The following GRIN2A variants were observed in gnomAD, a reference collection of about 807,000 sequenced individuals.
GRIN2A encodes glutamate ionotropic receptor NMDA type subunit 2A, also known as glutamate receptor ionotropic, NMDA 2A.
GRIN2A carries 22 observed loss-of-function variants against 113.4 expected under a neutral mutation model. That is an observed-to-expected ratio of 0.19 (90% CI 0.14 to 0.28). The LOEUF is 0.28. Ranked by LOEUF, GRIN2A falls within the 10% of genes least tolerant of loss-of-function variation. The pLI is 1.00. For synonymous variants in GRIN2A, 827 were observed against 738.4 expected, an observed-to-expected ratio of 1.12 and a Z score of -1.94; for missense variants, 1,502 against 1,887.0, an observed-to-expected ratio of 0.80 and a Z score of 3.78.
At position 9,753,493 on chromosome 16, in the gene GRIN2A, C is replaced by G. The variant is rs913266626; in HGVS notation, c.*9656G>C. 3 of 203,798 alleles carry G rather than the reference C, an allele frequency of 1.5e-5. No homozygotes were observed. In the South Asian group the frequency reaches 5.7e-4, roughly 39 times the overall value. 12.6% of individuals were successfully genotyped at this position (203,798 alleles called of 1,614,324 possible). A position where few individuals can be genotyped will look rare whatever the true frequency, so the allele number is the denominator to read the frequency against. Reference sequence around the variant, plus strand: ...TACATTTTTACACCATATGACCGGGCACTTCTGTTGCCTCAGGAGTTATAT... The same window carrying G: ...TACATTTTTACACCATATGACCGGGGACTTCTGTTGCCTCAGGAGTTATAT... On this transcript the variant is annotated 3_prime_UTR_variant, in exon 13 of 13. Coordinates refer to ENST00000330684, the MANE Select transcript of GRIN2A (RefSeq NM_001134407.3).
At chr16:9,905,005 C>A (rs2043999955) in intron 3 of GRIN2A, among the ~76,000 whole-genome samples, 1 of 152,122 alleles carries the variant, frequency 6.6e-6, no homozygotes. Flanking sequence ...AAATTATGGA[C>A]CACAAATTAA....
chr16:9,885,227 G>A (rs142750661), intron 4 of GRIN2A, among the ~76,000 whole-genome samples: 155 of 152,212 alleles, frequency 1.0e-3, no homozygotes, highest in African/African-American at 3.6e-3. Context: ...ACGTGGCATT[G>A]GTTGTACTAG....
chr16:10,179,925 C>T lies in GRIN2A; in HGVS notation c.414+73G>A, dbSNP rs776071016. The T allele has an allele frequency of 7.8e-6, 10 of 1,289,246 alleles. No individual in the cohort carries two copies. In the East Asian group the frequency reaches 9.4e-5, roughly 12 times the overall value. 79.9% of individuals were successfully genotyped at this position (1,289,246 alleles called of 1,614,324 possible). A position where few individuals can be genotyped will look rare whatever the true frequency, so the allele number is the denominator to read the frequency against. The stretch of plus-strand genomic sequence containing the variant: ...CATCAAGACAGATTCTAGGGGCGTC[C>T]GAAGACCTGCAGCAGCTGCCATGCA... On this transcript the variant is annotated intron_variant, in intron 2 of 12. Transcript: ENST00000330684.
intron 11 of GRIN2A, among the ~76,000 whole-genome samples, chr16:9,789,463 C>T (rs916739269): frequency 6.6e-5 from 10 of 152,132 alleles, no homozygotes; most frequent in African/African-American, 2.4e-4. Flanking sequence ...ACTTATGTTG[C>T]TGACTATTAT....
At chr16:9,835,660 G>C (rs1253920770) in intron 7 of GRIN2A, among the ~76,000 whole-genome samples, 1 of 152,070 alleles carries the variant, frequency 6.6e-6, no homozygotes, top group Non-Finnish European at 1.5e-5. Context: ...AATACTTCTT[G>C]AATAGTAAAC....
Position 9,938,365 on chromosome 16 carries a change from G to T in GRIN2A, c.601C>A (p.Gln201Lys). The change falls in exon 3 of 13, where the codon CAG becomes AAG. Residue 201 changes from glutamine to lysine, a missense_variant. By Grantham distance (53) the Gln-to-Lys change is moderately conservative. Transcript: ENST00000330684. ...VDNSFVGWDMQNVITLDTSFE... is the reference protein window; with the variant it reads ...VDNSFVGWDMKNVITLDTSFE... ...GAAGTGTCCAGTGTGATCACATTCT[G>T]CATGTCCCAGCCCACAAAGCTGTTG... 6.2e-7 allele frequency: 1 copy of T among 1,614,104 alleles called. No individual in the cohort carries two copies. Among genetic ancestry groups the T allele is most frequent in the Non-Finnish European group, 8.5e-7 (1 of 1,179,978 alleles).
At chr16:9,841,206 G>C in intron 5 of GRIN2A, 102 bp from the exon 6 acceptor site, 1 of 1,016,568 alleles carries the variant, frequency 9.8e-7, no homozygotes, top group Non-Finnish European at 1.5e-6. Flanking sequence ...GTAAACTGAA[G>C]TTTAAAAGGG....
At chr16:9,880,672 A>G (rs1434869670) in intron 4 of GRIN2A, among the ~76,000 whole-genome samples, 1 of 152,190 alleles carries the variant, frequency 6.6e-6, no homozygotes, top group East Asian at 1.9e-4. Flanking sequence ...TTCCAATCAC[A>G]TTGAACTCTT....
At chr16:10,156,847 T>A (rs999153900) in intron 2 of GRIN2A, among the ~76,000 whole-genome samples, 3 of 152,208 alleles carry the variant, frequency 2.0e-5, no homozygotes, top group Non-Finnish European at 2.9e-5. Flanking sequence ...ATTTCAACTG[T>A]GCTTTCCAAA....
intron 2 of GRIN2A, among the ~76,000 whole-genome samples, chr16:10,121,008 C>A (rs1056794270): frequency 6.6e-6 from 1 of 152,120 alleles, no homozygotes; most frequent in Non-Finnish European, 1.5e-5. Flanking sequence ...ATTCAAAAGC[C>A]CACATTTAAG....
At chr16:9,836,774 G>A (rs1469216107) in intron 7 of GRIN2A, among the ~76,000 whole-genome samples, 1 of 152,216 alleles carries the variant, frequency 6.6e-6, no homozygotes, top group Non-Finnish European at 1.5e-5. Flanking sequence ...TGTCTAAGGA[G>A]TGACCCAGAA....
intron 2 of GRIN2A, among the ~76,000 whole-genome samples, chr16:10,011,960 C>T (rs1028384774): frequency 2.0e-5 from 3 of 152,172 alleles, no homozygotes; most frequent in Admixed American, 2.0e-4. Flanking sequence ...GAGACCATAG[C>T]ATAGATAAGA....
At chr16:10,146,297 T>C (rs1175849383) in intron 2 of GRIN2A, among the ~76,000 whole-genome samples, 5 of 152,184 alleles carry the variant, frequency 3.3e-5, no homozygotes, top group Non-Finnish European at 7.3e-5. Flanking sequence ...TTTATATTTT[T>C]AGCAGACACA....
Position 9,840,808 on chromosome 16 carries a change from C to T in GRIN2A, c.1498-8G>A, listed in dbSNP as rs1242162646. 9.0e-6 allele frequency: 10 copies of T among 1,105,440 alleles called. No homozygotes were observed. The highest frequency in any genetic ancestry group is 1.3e-5 in the Non-Finnish European group (10 of 787,836). 68.5% of individuals were successfully genotyped at this position (1,105,440 alleles called of 1,614,324 possible). On this transcript the variant is annotated splice_region_variant and splice_polypyrimidine_tract_variant and intron_variant, in intron 6 of 12. Transcript: ENST00000330684. The stretch of plus-strand genomic sequence containing the variant: ...TGCCCGTTGATAGACCACCTGGATG[C>T]AAGGCAAAAAAAAAAAAAAAAAAAA...
intron 11 of GRIN2A, among the ~76,000 whole-genome samples, chr16:9,795,391 A>T (rs544167784): frequency 7.2e-5 from 11 of 152,222 alleles, no homozygotes; most frequent in Non-Finnish European, 1.5e-4. Context: ...GGTCTAAAAA[A>T]GGGAGGCATG....
chr16:9,974,060 G>C (rs1278427920), intron 2 of GRIN2A, among the ~76,000 whole-genome samples: 10 of 152,174 alleles, frequency 6.6e-5, no homozygotes, highest in Non-Finnish European at 2.9e-5. Context: ...ATATGCATGT[G>C]ACTATTTAAA....
intron 2 of GRIN2A, among the ~76,000 whole-genome samples, chr16:10,084,252 G>A (rs1432161355): frequency 6.6e-6 from 1 of 152,146 alleles, no homozygotes; most frequent in African/African-American, 2.4e-5. Context: ...CAAATGTTGT[G>A]CCAGCCCCTT....
chr16:10,059,678 A>C (rs2047516119), intron 2 of GRIN2A, among the ~76,000 whole-genome samples: 2 of 151,600 alleles, frequency 1.3e-5, no homozygotes. Flanking sequence ...TAGCTAATGA[A>C]GGGCCATGGA....
intron 11 of GRIN2A, among the ~76,000 whole-genome samples, chr16:9,797,522 T>G (rs1903073586): frequency 6.6e-6 from 1 of 152,194 alleles, no homozygotes; most frequent in Non-Finnish European, 1.5e-5. Flanking sequence ...CACAGTCTCA[T>G]TAGACTGCAA....
Sources: allele counts gnomAD v4.1 joint callset (sites outside exome capture counted in the v4.1 genomes callset), GRCh38; gene constraint gnomAD v4.1.1; transcripts MANE v1.5; gene names NCBI Gene and HGNC (gene_info 2026-07-23, HGNC 2026-07-21).